DAAM1: variants seen among roughly 807,000 people sequenced by gnomAD.
DAAM1 encodes the protein dishevelled associated activator of morphogenesis 1, also known as disheveled-associated activator of morphogenesis 1.
A neutral mutation model predicts 130.0 loss-of-function variants in DAAM1; 52 were observed. The ratio of observed to expected loss-of-function variants is 0.40; its 90% CI spans 0.32 to 0.50. The LOEUF (loss-of-function observed/expected upper bound fraction) is 0.50, where lower values mean the gene tolerates loss of function less well. DAAM1 is among the 20% of genes least tolerant of loss of function. DAAM1 has a pLI of 0.61. For missense variants in DAAM1, 1,134 were observed against 1,303.8 expected (o/e 0.87, Z 2.01); for synonymous variants, 452 against 444.5 (o/e 1.02, Z -0.21).
chr14:59,230,318 T>TCC (rs1423482957), intron 1 of DAAM1, among the ~76,000 whole-genome samples: 11 of 144,256 alleles, frequency 7.6e-5, no homozygotes, highest in African/African-American at 1.0e-4. Context: ...TTTTTTTTTT[T>TCC]CCCCCCACAA....
chr14:59,305,382 G>A (rs974825406), intron 3 of DAAM1, among the ~76,000 whole-genome samples: 1 of 152,202 alleles, frequency 6.6e-6, no homozygotes, highest in African/African-American at 2.4e-5. Flanking sequence ...AGGGGGAGTT[G>A]TCATATAAAT....
At chr14:59,363,247 AG>A (rs1313333142) in intron 22 of DAAM1, 19 of 174,320 alleles carry the variant, frequency 1.1e-4, no homozygotes, top group Non-Finnish European at 2.4e-5. Context: ...AAAAAAATCA[AG>A]GCACCACAAT....
intron 17 of DAAM1, among the ~76,000 whole-genome samples, chr14:59,351,584 A>C (rs1594843728): frequency 6.6e-6 from 1 of 151,826 alleles, no homozygotes; most frequent in African/African-American, 2.4e-5. Flanking sequence ...CTCACACAAC[A>C]CCTGCCTGTA....
chr14:59,308,685 G>A (rs540777905), intron 3 of DAAM1, among the ~76,000 whole-genome samples: 67 of 152,270 alleles, frequency 4.4e-4, no homozygotes, highest in Non-Finnish European at 8.5e-4. Context: ...TCCTGTGATG[G>A]CTTTGGTTAA....
chr14:59,363,612 T>A, intron 22 of DAAM1, 39 bp from the exon 23 acceptor site: 1 of 1,613,038 alleles, frequency 6.2e-7, no homozygotes, highest in Non-Finnish European at 8.5e-7. Context: ...TGTCTGTATT[T>A]GAAGCCTGCA....
intron 2 of DAAM1, among the ~76,000 whole-genome samples, chr14:59,276,197 A>G (rs1882961073): frequency 6.6e-6 from 1 of 152,202 alleles, no homozygotes; most frequent in Non-Finnish European, 1.5e-5. Flanking sequence ...CCCAGATGAG[A>G]TGGTCATTTG....
intron 1 of DAAM1, among the ~76,000 whole-genome samples, chr14:59,209,109 G>T (rs1265180466): frequency 6.6e-6 from 1 of 152,196 alleles, no homozygotes; most frequent in East Asian, 1.9e-4. Flanking sequence ...AGTTGCGCAT[G>T]TGCATGTTTC....
intron 2 of DAAM1, among the ~76,000 whole-genome samples, chr14:59,275,828 G>A (rs1196564660): frequency 1.3e-5 from 2 of 152,236 alleles, no homozygotes; most frequent in East Asian, 3.9e-4. Context: ...TTATTTTTAT[G>A]TATCAAATGA....
Position 59,359,413 on chromosome 14 carries a change from C to T in DAAM1, c.2542C>T (p.His848Tyr). 1 of 1,612,474 alleles carries T rather than the reference C, an allele frequency of 6.2e-7. No individual in the cohort carries two copies. The highest frequency in any genetic ancestry group is 8.5e-7 in the Non-Finnish European group (1 of 1,178,718). Reference sequence around the variant, plus strand: ...CAATTGTAGAAACATTACCCTTTTGCACTATCTCATCACTATTGTGGAAAA... The same window carrying T: ...CAATTGTAGAAACATTACCCTTTTGTACTATCTCATCACTATTGTGGAAAA... ...SSIDKNITLLHYLITIVENKY... is the reference protein window; with the variant it reads ...SSIDKNITLLYYLITIVENKY... Residue 848 changes from histidine (H) to tyrosine (Y), a missense_variant, in exon 21 of 25, where the codon CAC becomes TAC. This residue lies in a region of DAAM1 where 644 missense variants were observed against 695.9 expected (regional missense o/e 0.93). Coordinates refer to ENST00000360909, the MANE Select transcript of DAAM1 (RefSeq NM_001270520.2).
chr14:59,351,323 C>T (rs1349029664), intron 17 of DAAM1, among the ~76,000 whole-genome samples: 1 of 152,114 alleles, frequency 6.6e-6, no homozygotes, highest in African/African-American at 2.4e-5. Context: ...ATTCTTTTTC[C>T]ATCCTGCAAG....
chr14:59,247,572 C>G (rs984553863), intron 1 of DAAM1, among the ~76,000 whole-genome samples: 2 of 151,954 alleles, frequency 1.3e-5, no homozygotes, highest in Non-Finnish European at 2.9e-5. Context: ...TTTTAGTTTT[C>G]AGTGTACAAG....
At chr14:59,230,447 T>C (rs1043310145) in intron 1 of DAAM1, among the ~76,000 whole-genome samples, 4 of 152,082 alleles carry the variant, frequency 2.6e-5, no homozygotes, top group African/African-American at 9.7e-5. Flanking sequence ...TAACAGATAC[T>C]AATTAAATTC....
intron 2 of DAAM1, among the ~76,000 whole-genome samples, chr14:59,274,022 C>T (rs1485669887): frequency 6.6e-6 from 1 of 152,174 alleles, no homozygotes; most frequent in African/African-American, 2.4e-5. Context: ...CAGAATTCCT[C>T]TGGAATTTCA....
At chr14:59,242,758 C>G (rs1881186850) in intron 1 of DAAM1, among the ~76,000 whole-genome samples, 1 of 152,036 alleles carries the variant, frequency 6.6e-6, no homozygotes, top group Non-Finnish European at 1.5e-5. Flanking sequence ...CAGGGTTTCA[C>G]CGTGTTAGCC....
intron 23 of DAAM1, among the ~76,000 whole-genome samples, chr14:59,366,279 A>C (rs1886914026): frequency 6.6e-6 from 1 of 152,202 alleles, no homozygotes; most frequent in South Asian, 2.1e-4. Flanking sequence ...AAAGCAAAGA[A>C]TTTGGAATAA....
chr14:59,331,966 GT>G, intron 15 of DAAM1, 46 bp downstream of exon 15: 3 of 1,516,530 alleles, frequency 2.0e-6, no homozygotes, highest in Non-Finnish European at 2.7e-6. Flanking sequence ...GAAAAATCAT[GT>G]CTTATGCATG....
intron 12 of DAAM1, 73 bp downstream of exon 12, chr14:59,327,064 A>T: frequency 6.5e-7 from 1 of 1,536,818 alleles, no homozygotes; most frequent in Non-Finnish European, 8.9e-7. Context: ...ATATTTTGGA[A>T]ATTTACATTG....
chr14:59,189,329 G>A (rs1347521645), intron 1 of DAAM1, among the ~76,000 whole-genome samples: 1 of 152,228 alleles, frequency 6.6e-6, no homozygotes, highest in African/African-American at 2.4e-5. Context: ...CATTCGAAAG[G>A]GACGGAGCGC....
intron 1 of DAAM1, among the ~76,000 whole-genome samples, chr14:59,262,986 A>G (rs1006112133): frequency 2.0e-5 from 3 of 152,230 alleles, no homozygotes; most frequent in Non-Finnish European, 4.4e-5. Context: ...TATATGTCAT[A>G]GCATATATGT....
Sources: allele counts gnomAD v4.1 joint callset (sites outside exome capture counted in the v4.1 genomes callset), GRCh38; gene constraint gnomAD v4.1.1; regional missense constraint gnomAD v4.1.1; transcripts MANE v1.5; gene names NCBI Gene and HGNC (gene_info 2026-07-23, HGNC 2026-07-21).